The following RPTOR variants were observed in gnomAD, a reference collection of about 807,000 sequenced individuals.
RPTOR encodes regulatory-associated protein of mTOR.
Under a neutral mutation model 169.9 loss-of-function variants are expected in RPTOR, and 21 were observed. That is an observed-to-expected ratio of 0.12 (90% confidence interval 0.09 to 0.18). RPTOR has a LOEUF of 0.18. Among genes scored for constraint, RPTOR ranks in the 10% least tolerant of loss-of-function variants. The pLI, the probability that RPTOR is intolerant of heterozygous loss-of-function variation, is 1.00. For synonymous variants in RPTOR, 732 were observed against 753.2 expected (o/e 0.97, Z 0.46); for missense variants, 1,133 against 1,855.9 (o/e 0.61, Z 7.16).
At chr17:80,949,852 G>A (rs1293850156) in intron 28 of RPTOR, among the ~76,000 whole-genome samples, 1 of 152,264 alleles carries the variant, frequency 6.6e-6, no homozygotes, top group Admixed American at 6.5e-5. Flanking sequence ...ACTGCTGGCA[G>A]GGCCTAAAGG....
At chr17:80,787,771 G>C (rs2067008255) in intron 6 of RPTOR, among the ~76,000 whole-genome samples, 1 of 152,130 alleles carries the variant, frequency 6.6e-6, no homozygotes, top group African/African-American at 2.4e-5. Flanking sequence ...GCATGATGTT[G>C]AACATTTCCT....
intron 1 of RPTOR, among the ~76,000 whole-genome samples, chr17:80,617,571 T>C (rs923362422): frequency 1.3e-5 from 2 of 152,240 alleles, no homozygotes; most frequent in Non-Finnish European, 2.9e-5. Flanking sequence ...GGAATTAATT[T>C]GTAAGTGTAG....
At chr17:80,925,552 A>C (rs2068801957) in intron 24 of RPTOR, 72 bp downstream of exon 24, 1 of 1,246,802 alleles carries the variant, frequency 8.0e-7, no homozygotes, top group Non-Finnish European at 1.2e-6. Flanking sequence ...TTGAGCATAA[A>C]CGCTCAAGGC....
chr17:80,702,064 A>G (rs2066105451), intron 3 of RPTOR, among the ~76,000 whole-genome samples: 1 of 152,166 alleles, frequency 6.6e-6, no homozygotes, highest in African/African-American at 2.4e-5. Flanking sequence ...TCCAATACCA[A>G]TAAAAGTCTA....
intron 5 of RPTOR, among the ~76,000 whole-genome samples, chr17:80,751,823 C>T (rs1233816442): frequency 2.0e-5 from 3 of 152,186 alleles, no homozygotes; most frequent in East Asian, 1.9e-4. Context: ...TGCGATGCTC[C>T]AGCCCTCATG....
chr17:80,730,658 C>A lies in RPTOR; in HGVS notation c.606C>A (p.Ile202=). The change falls in exon 5 of 34, where the codon ATC becomes ATA. Residue 202 remains isoleucine, a synonymous_variant. Coordinates refer to ENST00000306801, the MANE Select transcript of RPTOR (RefSeq NM_020761.3). This position sits in a 1 kb window ranked among gnomAD's most constrained non-coding sequence, Gnocchi z 4.2. ...FVYDCSNAGL[I]VKSFKQFALQ... ...ACGACTGCTCCAATGCTGGCTTGAT[C>A]GTCAAGTCCTTCAAGCAGTTCGCAC... 1 of 1,613,110 alleles carries A rather than the reference C, an allele frequency of 6.2e-7. No individual in the cohort carries two copies. The highest frequency in any genetic ancestry group is 1.7e-5 in the Admixed American group (1 of 59,976).
At chr17:80,919,479 G>A (rs532775666) in intron 21 of RPTOR, among the ~76,000 whole-genome samples, 2 of 152,352 alleles carry the variant, frequency 1.3e-5, no homozygotes, top group East Asian at 1.9e-4. Context: ...GGCATCCGCA[G>A]CCCTGACTGT....
chr17:80,627,110 A>G (rs1328056932), intron 2 of RPTOR, among the ~76,000 whole-genome samples: 1 of 152,144 alleles, frequency 6.6e-6, no homozygotes, highest in Non-Finnish European at 1.5e-5. Context: ...ATGTCGTAGC[A>G]TGTGTCAGAA....
chr17:80,913,164 G>A (rs559307965), intron 21 of RPTOR, among the ~76,000 whole-genome samples: 1 of 152,144 alleles, frequency 6.6e-6, no homozygotes, highest in African/African-American at 2.4e-5. Flanking sequence ...GGAACTGAAG[G>A]GATTACATTT....
At chr17:80,652,477 T>A (rs1187107721) in intron 3 of RPTOR, among the ~76,000 whole-genome samples, 1 of 152,234 alleles carries the variant, frequency 6.6e-6, no homozygotes, top group Non-Finnish European at 1.5e-5. Flanking sequence ...CTATTGCATG[T>A]ATCAGTAATT....
chr17:80,930,377 CCAGCTCAGCTCAGCTCATTCT>C (rs2068874679), intron 24 of RPTOR, among the ~76,000 whole-genome samples: 1 of 3,366 alleles, frequency 3.0e-4, no homozygotes, highest in Non-Finnish European at 6.4e-4. Context: ...CAGCTCATCC[CCAGCTCAGCTCAGCTCATTCT>C]CAGCTCATCC....
chr17:80,703,680 C>T (rs577335761), intron 3 of RPTOR, among the ~76,000 whole-genome samples: 2 of 152,324 alleles, frequency 1.3e-5, no homozygotes, highest in Admixed American at 6.5e-5. Flanking sequence ...AATGCATAGA[C>T]CCTCCTTCCC....
rs1318585978 is a variant in RPTOR, at chr17:80,704,116, G to A, written c.349-3725G>A. 2.0e-5 allele frequency among the ~76,000 whole-genome samples: 3 copies of A among 152,172 alleles called. No homozygotes were observed. In the East Asian group the frequency reaches 5.8e-4, roughly 29 times the overall value. ...TCTCTCCAGACTGAACCCGTCCTAC[G>A]TGTCCGCCATTCTTTCTACCTATCC... On this transcript the variant is annotated intron_variant, in intron 3 of 33. Transcript: ENST00000306801.
At chr17:80,759,223 T>C (rs1276197367) in intron 6 of RPTOR, among the ~76,000 whole-genome samples, 2 of 152,086 alleles carry the variant, frequency 1.3e-5, no homozygotes, top group Non-Finnish European at 2.9e-5. Context: ...ATGCTTTCAC[T>C]CTGAGGGCTG....
At chr17:80,901,047 T>C (rs1309368325) in intron 20 of RPTOR, among the ~76,000 whole-genome samples, 1 of 152,246 alleles carries the variant, frequency 6.6e-6, no homozygotes, top group African/African-American at 2.4e-5. Context: ...GGCTGCTGTT[T>C]GCTGTGCGCG....
intron 4 of RPTOR, among the ~76,000 whole-genome samples, chr17:80,717,710 C>G (rs190431539): frequency 1.3e-5 from 2 of 152,334 alleles, no homozygotes; most frequent in East Asian, 3.9e-4. Context: ...TTTAAACATG[C>G]TAGTTTTAAC....
rs143415589 is a variant in RPTOR at position 80,959,236 on chromosome 17, C to T, written c.3478-842C>T. 1.3e-5 allele frequency among the ~76,000 whole-genome samples: 2 copies of T among 152,210 alleles called. No individual in the cohort carries two copies. Among genetic ancestry groups the T allele is most frequent in the Non-Finnish European group, 2.9e-5 (2 of 68,028 alleles). ...CCTTCTTTGGGGTGGGGGGGTCTTG[C>T]ACCTGTCTGGAGCTGTGGCTCCACA... On this transcript the variant is annotated intron_variant, in intron 29 of 33. Coordinates refer to ENST00000306801, the MANE Select transcript of RPTOR (RefSeq NM_020761.3). The surrounding 1 kb of genome is among the most constrained non-coding windows in gnomAD (Gnocchi z 6.7).
At chr17:80,734,361 T>C (rs2066417654) in intron 5 of RPTOR, among the ~76,000 whole-genome samples, 1 of 152,218 alleles carries the variant, frequency 6.6e-6, no homozygotes, top group East Asian at 1.9e-4. Context: ...TTCTCCAGGA[T>C]CCGTCCCTGT....
At chr17:80,893,233 C>T (rs527672590) in intron 19 of RPTOR, among the ~76,000 whole-genome samples, 5 of 151,914 alleles carry the variant, frequency 3.3e-5, no homozygotes, top group African/African-American at 7.2e-5. Flanking sequence ...CCTGTGTGTG[C>T]GCCGGGGCGT....
Sources: allele counts gnomAD v4.1 joint callset (sites outside exome capture counted in the v4.1 genomes callset), GRCh38; gene constraint gnomAD v4.1.1; non-coding constraint Gnocchi (gnomAD v3.1); transcripts MANE v1.5; gene names NCBI Gene and HGNC (gene_info 2026-07-23, HGNC 2026-07-21).